The following TENM4 variants were observed in gnomAD, a reference collection of about 807,000 sequenced individuals.
TENM4 encodes the protein teneurin transmembrane protein 4, also known as teneurin-4.
In TENM4, 82 loss-of-function variants were observed where a neutral mutation model predicts 243.3. That is an observed-to-expected ratio of 0.34 (90% CI 0.28 to 0.40). The LOEUF (loss-of-function observed/expected upper bound fraction) is 0.40. TENM4 is among the 10% of genes least tolerant of loss of function. The pLI is 1.00. For missense variants in TENM4, 3,138 were observed against 3,673.3 expected, an observed-to-expected ratio of 0.85 and a Z score of 3.77; for synonymous variants, 1,412 against 1,456.3, an observed-to-expected ratio of 0.97 and a Z score of 0.69.
intron 27 of TENM4, among the ~76,000 whole-genome samples, chr11:78,704,034 TACAC>T (rs375601895): frequency 0.091 from 12,633 of 138,090 alleles, 602 homozygotes; most frequent in Middle Eastern, 0.16. Flanking sequence ...CATATATATA[TACAC>T]ACACACACAC....
At chr11:79,242,531 C>T (rs993162176) in intron 2 of TENM4, among the ~76,000 whole-genome samples, 2 of 152,176 alleles carry the variant, frequency 1.3e-5, no homozygotes, top group African/African-American at 2.4e-5. Flanking sequence ...GAGATCACAC[C>T]GTGTGTGATT....
chr11:79,245,957 A>G (rs1164592188), intron 2 of TENM4, among the ~76,000 whole-genome samples: 2 of 150,960 alleles, frequency 1.3e-5, no homozygotes, highest in African/African-American at 2.4e-5. Context: ...AAAAAAAAAA[A>G]AAAAAGAAAA....
chr11:78,979,484 C>A (rs952109266), intron 6 of TENM4, among the ~76,000 whole-genome samples: 4 of 152,174 alleles, frequency 2.6e-5, no homozygotes, highest in African/African-American at 9.7e-5. Context: ...TAAAGGTGAA[C>A]CAGGAGTTGG....
chr11:78,687,392 C>T (rs772555890), intron 29 of TENM4, among the ~76,000 whole-genome samples: 5 of 152,184 alleles, frequency 3.3e-5, no homozygotes, highest in Non-Finnish European at 5.9e-5. Flanking sequence ...AGCCATCCAG[C>T]GGGCAGGAAA....
chr11:79,249,367 T>C (rs1334970965), intron 2 of TENM4, among the ~76,000 whole-genome samples: 3 of 152,210 alleles, frequency 2.0e-5, no homozygotes, highest in Non-Finnish European at 2.9e-5. Flanking sequence ...ATCTAGCCCA[T>C]GCATTTTCCA....
intron 2 of TENM4, among the ~76,000 whole-genome samples, chr11:79,238,646 CCTT>C (rs1429699020): frequency 6.6e-6 from 1 of 151,870 alleles, no homozygotes; most frequent in African/African-American, 2.4e-5. Context: ...AATTGCCAAA[CCTT>C]CATAATAAAT....
intron 12 of TENM4, among the ~76,000 whole-genome samples, chr11:78,830,350 C>T (rs540993320): frequency 6.6e-6 from 1 of 152,242 alleles, no homozygotes; most frequent in African/African-American, 2.4e-5. Context: ...GGGGCTGGGC[C>T]CAGCAGCCCA....
chr11:78,836,610 T>C lies in TENM4; in HGVS notation c.1681+17494A>G, dbSNP rs188405585. 3.4e-3 allele frequency among the ~76,000 whole-genome samples: 518 copies of C among 152,320 alleles called. 1 individual carries two copies. Among genetic ancestry groups the C allele is most frequent in the African/African-American group, 0.012 (498 of 41,578 alleles). On this transcript the variant is annotated intron_variant, in intron 12 of 33. Coordinates refer to ENST00000278550, the MANE Select transcript of TENM4 (RefSeq NM_001098816.3). ...TTCTTGTCTGTTTTGGGGATGCGGA[T>C]GTAGGAAACAGAACAGCAGGCTCGA...
At chr11:78,686,396 T>C (rs1858673914) in intron 29 of TENM4, among the ~76,000 whole-genome samples, 1 of 152,198 alleles carries the variant, frequency 6.6e-6, no homozygotes, top group Non-Finnish European at 1.5e-5. Flanking sequence ...GATCAACTGG[T>C]AAATGTAAGT....
chr11:78,772,000 A>C (rs1856655301), intron 17 of TENM4, among the ~76,000 whole-genome samples: 1 of 152,176 alleles, frequency 6.6e-6, no homozygotes, highest in Non-Finnish European at 1.5e-5. Context: ...AAAGGAGACA[A>C]ATTTATGTAG....
chr11:79,138,854 T>TATAAA lies in TENM4; in HGVS notation c.-66+9855_-66+9856insTTTAT, dbSNP rs1565219720. On this transcript the variant is annotated intron_variant, in intron 4 of 33. Transcript: ENST00000278550. The stretch of plus-strand genomic sequence containing the variant: ...AACATACATTATATTTATATAAATA[T>TATAAA]ACAAAATATACCTTATATTTATATA... Among the ~76,000 whole-genome samples, 14 of 119,690 alleles carry TATAAA rather than the reference T, an allele frequency of 1.2e-4. 1 individual carries two copies. Among genetic ancestry groups the TATAAA allele is most frequent in the South Asian group, 2.4e-4 (1 of 4,148 alleles). The allele number at this position is 119,690 out of a possible 152,430, so 78.5% of individuals were successfully genotyped here.
intron 3 of TENM4, among the ~76,000 whole-genome samples, chr11:79,152,000 T>C (rs1427216687): frequency 6.6e-6 from 1 of 152,152 alleles, no homozygotes; most frequent in Non-Finnish European, 1.5e-5. Context: ...TGTCCTTGAA[T>C]GGAGAAGGCC....
intron 4 of TENM4, among the ~76,000 whole-genome samples, chr11:79,081,571 A>T (rs1334804604): frequency 1.1e-5 from 1 of 87,912 alleles, no homozygotes; most frequent in Non-Finnish European, 2.6e-5. Flanking sequence ...GCATGCACAC[A>T]TGCTTAATGG....
chr11:78,834,009 C>T (rs1208457656), intron 12 of TENM4, among the ~76,000 whole-genome samples: 1 of 152,198 alleles, frequency 6.6e-6, no homozygotes, highest in African/African-American at 2.4e-5. Context: ...CACTTGCAAT[C>T]CGTCAGCCCA....
At chr11:78,736,966 T>A (rs562666187) in intron 20 of TENM4, among the ~76,000 whole-genome samples, 1 of 152,096 alleles carries the variant, frequency 6.6e-6, no homozygotes, top group Non-Finnish European at 1.5e-5. Context: ...TCAGGAAGTG[T>A]CAGAGACTGA....
At chr11:79,145,037 G>T (rs1018818227) in intron 4 of TENM4, among the ~76,000 whole-genome samples, 1 of 151,326 alleles carries the variant, frequency 6.6e-6, no homozygotes, top group African/African-American at 2.4e-5. Flanking sequence ...AATATCTCAC[G>T]TGCCCCATAA....
At chr11:79,047,670 A>G (rs893503807) in intron 6 of TENM4, among the ~76,000 whole-genome samples, 1 of 152,120 alleles carries the variant, frequency 6.6e-6, no homozygotes, top group African/African-American at 2.4e-5. Flanking sequence ...CCCATGTGTC[A>G]AGGGGGCCTA....
At chr11:79,395,957 A>G (rs1227488406) in intron 1 of TENM4, among the ~76,000 whole-genome samples, 1 of 152,206 alleles carries the variant, frequency 6.6e-6, no homozygotes, top group African/African-American at 2.4e-5. Context: ...AAATGGAGGC[A>G]ATAATATTAG....
intron 2 of TENM4, among the ~76,000 whole-genome samples, chr11:79,233,397 T>C (rs1864405214): frequency 6.6e-6 from 1 of 152,130 alleles, no homozygotes; most frequent in African/African-American, 2.4e-5. Context: ...AAGGGAGCTA[T>C]GAAGACCAGG....
Sources: gnomAD v4.1 joint callset for allele counts (sites outside exome capture counted in the v4.1 genomes callset) on GRCh38, gnomAD v4.1.1 for gene constraint, MANE v1.5 for transcripts, NCBI Gene and HGNC (gene_info 2026-07-23, HGNC 2026-07-21) for gene names.